MACROD2: variants seen among roughly 807,000 people sequenced by gnomAD.
MACROD2 encodes the protein mono-ADP ribosylhydrolase 2, also known as ADP-ribose glycohydrolase MACROD2.
A neutral mutation model predicts 70.4 loss-of-function variants in MACROD2; 36 were observed. That is an observed-to-expected ratio of 0.51 (90% CI 0.39 to 0.68). The LOEUF (loss-of-function observed/expected upper bound fraction) is 0.68, where lower values mean the gene tolerates loss of function less well. Ranked by LOEUF, MACROD2 falls within the 30% of genes least tolerant of loss-of-function variation. The pLI is 0.00. For synonymous variants in MACROD2, 172 were observed against 178.8 expected (o/e 0.96, Z 0.30); for missense variants, 496 against 538.4 (o/e 0.92, Z 0.78).
At chr20:15,464,427 C>G (rs986048664) in intron 7 of MACROD2, among the ~76,000 whole-genome samples, 2 of 152,194 alleles carry the variant, frequency 1.3e-5, no homozygotes, top group Non-Finnish European at 1.5e-5. Context: ...TGACTTTGCT[C>G]TATCTGTGCA....
chr20:16,042,356 A>G (rs909185279), intron 16 of MACROD2, among the ~76,000 whole-genome samples: 2 of 152,060 alleles, frequency 1.3e-5, no homozygotes, highest in African/African-American at 4.8e-5. Flanking sequence ...GTGATGCTAC[A>G]GACATGGTTC....
At chr20:15,178,502 C>G (rs969360997) in intron 5 of MACROD2, among the ~76,000 whole-genome samples, 1 of 152,200 alleles carries the variant, frequency 6.6e-6, no homozygotes, top group Non-Finnish European at 1.5e-5. Flanking sequence ...AGCACCTATG[C>G]ATGCATATAA....
intron 4 of MACROD2, among the ~76,000 whole-genome samples, chr20:14,564,655 A>G (rs369729734): frequency 2.0e-5 from 3 of 151,814 alleles, no homozygotes; most frequent in East Asian, 3.9e-4. Context: ...CCATTTCACA[A>G]CAGTCAGAAT....
intron 5 of MACROD2, among the ~76,000 whole-genome samples, chr20:14,918,073 A>G (rs1488771009): frequency 6.6e-6 from 1 of 152,080 alleles, no homozygotes; most frequent in Non-Finnish European, 1.5e-5. Context: ...CCCCAGGTTC[A>G]GGTGATCCTC....
intron 5 of MACROD2, among the ~76,000 whole-genome samples, chr20:14,824,423 T>G (rs1421483993): frequency 1.3e-5 from 2 of 152,076 alleles, no homozygotes; most frequent in African/African-American, 4.8e-5. Flanking sequence ...AATTCTACAG[T>G]TTGGACAAGA....
intron 5 of MACROD2, among the ~76,000 whole-genome samples, chr20:14,981,577 A>G (rs1003442947): frequency 1.3e-5 from 2 of 151,892 alleles, no homozygotes; most frequent in Non-Finnish European, 2.9e-5. Flanking sequence ...TAATTGAATC[A>G]TGGGGGCAGA....
At chr20:14,028,588 G>A (rs551373016) in intron 2 of MACROD2, among the ~76,000 whole-genome samples, 2 of 152,290 alleles carry the variant, frequency 1.3e-5, no homozygotes, top group Admixed American at 6.5e-5. Flanking sequence ...TGCAGGTTGC[G>A]AAGACCATGG....
intron 6 of MACROD2, among the ~76,000 whole-genome samples, chr20:15,337,712 G>A (rs1234691994): frequency 6.6e-6 from 1 of 151,556 alleles, no homozygotes; most frequent in East Asian, 1.9e-4. Flanking sequence ...CAAAAAAAAA[G>A]AGAACAGTTC....
At chr20:15,066,539 C>A (rs1220406722) in intron 5 of MACROD2, among the ~76,000 whole-genome samples, 1 of 152,094 alleles carries the variant, frequency 6.6e-6, no homozygotes, top group East Asian at 1.9e-4. Flanking sequence ...ACATCAATGA[C>A]ACTAGGAAAA....
intron 5 of MACROD2, among the ~76,000 whole-genome samples, chr20:14,822,168 T>C (rs2072853092): frequency 6.6e-6 from 1 of 152,120 alleles, no homozygotes; most frequent in Admixed American, 6.6e-5. Flanking sequence ...TCTGTAAAAC[T>C]TGATGGACCT....
intron 3 of MACROD2, among the ~76,000 whole-genome samples, chr20:14,297,909 G>A (rs2082440627): frequency 6.6e-6 from 1 of 151,808 alleles, no homozygotes; most frequent in Admixed American, 6.6e-5. Flanking sequence ...CTTGTTAGGG[G>A]CTAATGCAGT....
At chr20:15,950,904 T>G (rs2065894749) in intron 12 of MACROD2, among the ~76,000 whole-genome samples, 1 of 152,190 alleles carries the variant, frequency 6.6e-6, no homozygotes. Flanking sequence ...GTTAATTAAC[T>G]AAATGTGATT....
rs531859136 is a variant in MACROD2 at position 14,385,255 on chromosome 20, T to C, written c.272-108224T>C. ...TTTAAATAAAGCTTTAGGAGTAAAATGATACACTATTATTTTAGTTATACA... is the reference window on the plus strand; with the variant it reads ...TTTAAATAAAGCTTTAGGAGTAAAACGATACACTATTATTTTAGTTATACA... On this transcript the variant is annotated intron_variant, in intron 3 of 17. Transcript: ENST00000684519. Among the ~76,000 whole-genome samples the C allele has an allele frequency of 1.6e-4, 24 of 152,218 alleles. No homozygotes were observed. The South Asian group carries it at 5.0e-3, about 32-fold the overall frequency.
At chr20:15,226,462 A>G (rs1212123586) in intron 5 of MACROD2, among the ~76,000 whole-genome samples, 1 of 152,230 alleles carries the variant, frequency 6.6e-6, no homozygotes, top group Admixed American at 6.5e-5. Context: ...TGCAAGATAA[A>G]GCATTGTCCA....
At chr20:14,146,308 G>A (rs1381530168) in intron 3 of MACROD2, among the ~76,000 whole-genome samples, 1 of 152,068 alleles carries the variant, frequency 6.6e-6, no homozygotes, top group Non-Finnish European at 1.5e-5. Flanking sequence ...GACAGAGCGA[G>A]ACCTCCGCCT....
chr20:14,441,282 A>T (rs1033765523), intron 3 of MACROD2, among the ~76,000 whole-genome samples: 1 of 152,172 alleles, frequency 6.6e-6, no homozygotes, highest in Non-Finnish European at 1.5e-5. Context: ...GGCCATGCAG[A>T]GGAGAACTGA....
chr20:14,171,241 G>A (rs1397976344), intron 3 of MACROD2, among the ~76,000 whole-genome samples: 2 of 151,852 alleles, frequency 1.3e-5, no homozygotes, highest in Non-Finnish European at 2.9e-5. Flanking sequence ...TCTCTTCTTG[G>A]TTAGTCTCAC....
chr20:14,185,661 G>A (rs938026594), intron 3 of MACROD2, among the ~76,000 whole-genome samples: 16 of 152,222 alleles, frequency 1.1e-4, no homozygotes, highest in African/African-American at 2.9e-4. Context: ...CTGTAGTAGA[G>A]TAATTCAGAG....
intron 4 of MACROD2, among the ~76,000 whole-genome samples, chr20:14,517,906 AT>A (rs1178623443): frequency 2.0e-5 from 3 of 151,486 alleles, no homozygotes; most frequent in African/African-American, 7.3e-5. Flanking sequence ...ATATCATGCT[AT>A]TTGGTTATGA....
Sources: gnomAD v4.1 joint callset for allele counts (sites outside exome capture counted in the v4.1 genomes callset) on GRCh38, gnomAD v4.1.1 for gene constraint, MANE v1.5 for transcripts, NCBI Gene and HGNC (gene_info 2026-07-23, HGNC 2026-07-21) for gene names.